The following DPY19L4 variants were observed in gnomAD, a reference collection of about 807,000 sequenced individuals.
The protein encoded by DPY19L4 is dpy-19 like 4.
Under a neutral mutation model 102.8 loss-of-function variants are expected in DPY19L4, and 97 were observed. That is an observed-to-expected ratio of 0.94 (90% CI 0.80 to 1.12). DPY19L4 has a LOEUF of 1.12. Ranked by LOEUF, DPY19L4 falls within the 50% of genes most tolerant of loss-of-function variation. The pLI is 0.00. For missense variants in DPY19L4, 815 were observed against 850.4 expected (o/e 0.96, Z 0.52); for synonymous variants, 252 against 283.1 (o/e 0.89, Z 1.10).
Position 94,726,332 on chromosome 8 carries a change from A to C in DPY19L4, c.18A>C (p.Gly6=). The C allele has an allele frequency of 6.3e-7, 1 of 1,595,998 alleles. No homozygotes were observed. Among genetic ancestry groups the C allele is most frequent in the Non-Finnish European group, 8.5e-7 (1 of 1,175,464 alleles). Reference sequence around the variant, plus strand: ...CAATAATGTCTTAAATATTTTAAGGACCACCTGTAGAGCTGCGCCAAAGAA... The same window carrying C: ...CAATAATGTCTTAAATATTTTAAGGCCCACCTGTAGAGCTGCGCCAAAGAA... MAEEE[G]PPVELRQRKK... The change falls in exon 2 of 19, where the codon GGA becomes GGC. Residue 6 remains glycine (G), a splice_region_variant and synonymous_variant. Coordinates refer to ENST00000414645, the MANE Select transcript of DPY19L4 (RefSeq NM_181787.3).
intron 3 of DPY19L4, among the ~76,000 whole-genome samples, chr8:94,737,335 A>C (rs1400082341): frequency 6.6e-6 from 1 of 151,928 alleles, no homozygotes; most frequent in Non-Finnish European, 1.5e-5. Flanking sequence ...ACACACCACC[A>C]GGCCTAATTT....
At position 94,779,989 on chromosome 8, in the gene DPY19L4, T is replaced by G. The variant is rs945539124; in HGVS notation, c.1576-370T>G. Reference sequence around the variant, plus strand: ...TTTTTCTTGTGTTAATTCATTGTTTTTTTTGTTGTTAGCTTTTCATGTAGT... The same window carrying G: ...TTTTTCTTGTGTTAATTCATTGTTTGTTTTGTTGTTAGCTTTTCATGTAGT... On this transcript the variant is annotated intron_variant, in intron 14 of 18. Coordinates refer to ENST00000414645, the MANE Select transcript of DPY19L4 (RefSeq NM_181787.3). Among the ~76,000 whole-genome samples, 5 of 152,360 alleles carry G rather than the reference T, an allele frequency of 3.3e-5. No individual in the cohort carries two copies. The East Asian group carries it at 9.6e-4, about 29-fold the overall frequency.
rs756983599 is a variant in DPY19L4, at chr8:94,739,513, A to G, written c.444A>G (p.Leu148=). 5.0e-6 allele frequency: 8 copies of G among 1,606,812 alleles called. No individual in the cohort carries two copies. The Admixed American group carries it at 5.2e-5, about 10-fold the overall frequency. Residue 148 remains leucine, a synonymous_variant, in exon 5 of 19, where the codon TTA becomes TTG. Transcript: ENST00000414645. ...ATCCGGAACTTATTGCTAGCATTTT[A>G]TATCAAGCCACTGGTAGCAATGTAT... ...SLYPELIASI[L]YQATGSNEII...
In DPY19L4 at chr8:94,765,241, T is replaced by G. The variant is rs762998865; in HGVS notation, c.929T>G (p.Phe310Cys). The change falls in exon 9 of 19, where the codon TTT becomes TGT. Residue 310 changes from phenylalanine (F) to cysteine (C), a missense_variant. Phe to Cys is a radical substitution (Grantham distance 205, BLOSUM62 -2). Coordinates refer to ENST00000414645, the MANE Select transcript of DPY19L4 (RefSeq NM_181787.3). Reference protein sequence around the residue: ...FSLFLGYLLQFENPALLVSPL... With the variant: ...FSLFLGYLLQCENPALLVSPL... ...CTCTTTCTGGGATATTTACTACAGTTTGAGAATCCAGCTTTGTTGGTATCT... is the reference window on the plus strand; with the variant it reads ...CTCTTTCTGGGATATTTACTACAGTGTGAGAATCCAGCTTTGTTGGTATCT... The G allele has an allele frequency of 7.5e-6, 12 of 1,609,722 alleles. No homozygotes were observed. In the African/African-American group the frequency reaches 1.6e-4, roughly 22 times the overall value.
intron 2 of DPY19L4, among the ~76,000 whole-genome samples, chr8:94,732,808 TTTC>T: frequency 1.1e-5 from 1 of 91,564 alleles, no homozygotes; most frequent in African/African-American, 5.8e-5. Flanking sequence ...TTTCTTTTTC[TTTC>T]TTTTTTTTTT....
intron 2 of DPY19L4, among the ~76,000 whole-genome samples, chr8:94,730,917 G>T (rs548965938): frequency 3.9e-4 from 59 of 150,202 alleles, no homozygotes; most frequent in African/African-American, 1.4e-3. Flanking sequence ...TGCTAATTTT[G>T]TATTTTTAGT....
chr8:94,768,911 G>A (rs1812797027), intron 12 of DPY19L4, among the ~76,000 whole-genome samples: 2 of 151,080 alleles, frequency 1.3e-5, no homozygotes, highest in African/African-American at 4.9e-5. Flanking sequence ...TACTCGGGAA[G>A]CTGAGGCAGG....
chr8:94,730,867 T>C (rs1810920401), intron 2 of DPY19L4, among the ~76,000 whole-genome samples: 1 of 147,128 alleles, frequency 6.8e-6, no homozygotes, highest in South Asian at 2.2e-4. Context: ...TGCCTCAGCC[T>C]CCCGAGTAGC....
intron 10 of DPY19L4, among the ~76,000 whole-genome samples, chr8:94,766,221 A>G (rs1233468805): frequency 6.6e-6 from 1 of 152,198 alleles, no homozygotes; most frequent in Non-Finnish European, 1.5e-5. Flanking sequence ...TAAAAATACA[A>G]AAAATTAGCT....
intron 18 of DPY19L4, 29 bp downstream of exon 18, chr8:94,788,081 A>ATG: frequency 8.7e-7 from 1 of 1,148,562 alleles, no homozygotes; most frequent in Non-Finnish European, 1.1e-6. Context: ...AGTTATATAT[A>ATG]TGTATATATA....
chr8:94,739,780 GTTA>G lies in DPY19L4; in HGVS notation c.605_607del (p.Ile202del). ...AGGAATGCTTACTGTTGCGTGGTTC[GTTA>G]TTAACAGGTAAGAAAGCTGTTTTAA... On this transcript the variant is annotated inframe_deletion, in exon 6 of 19. Coordinates refer to ENST00000414645, the MANE Select transcript of DPY19L4 (RefSeq NM_181787.3). 1 of 1,611,908 alleles carries G rather than the reference GTTA, an allele frequency of 6.2e-7. No individual in the cohort carries two copies.
At chr8:94,727,396 G>C (rs1563569849) in intron 2 of DPY19L4, among the ~76,000 whole-genome samples, 1 of 152,112 alleles carries the variant, frequency 6.6e-6, no homozygotes, top group Non-Finnish European at 1.5e-5. Flanking sequence ...ACCACGCCTG[G>C]CTAATTTTTG....
intron 2 of DPY19L4, among the ~76,000 whole-genome samples, chr8:94,731,510 G>C (rs1269392382): frequency 6.6e-6 from 1 of 152,130 alleles, no homozygotes; most frequent in South Asian, 2.1e-4. Context: ...TCCACCTCCC[G>C]GGTTCAAGCA....
At chr8:94,771,876 A>C (rs1812951563) in intron 13 of DPY19L4, among the ~76,000 whole-genome samples, 1 of 152,214 alleles carries the variant, frequency 6.6e-6, no homozygotes, top group Admixed American at 6.5e-5. Context: ...TGACATTTAC[A>C]AAATATATAT....
intron 7 of DPY19L4, 125 bp from the exon 8 acceptor site, chr8:94,761,575 G>C: frequency 1.2e-6 from 1 of 865,772 alleles, no homozygotes; most frequent in Middle Eastern, 4.0e-4. Flanking sequence ...TAAAAACAAA[G>C]TTTCAATAAT....
intron 2 of DPY19L4, among the ~76,000 whole-genome samples, chr8:94,729,966 G>A (rs1485905991): frequency 6.6e-6 from 1 of 152,044 alleles, no homozygotes; most frequent in East Asian, 1.9e-4. Context: ...GGTAGAAAAT[G>A]TGGAAAGTAG....
chr8:94,722,262 C>A (rs539353801), intron 1 of DPY19L4, among the ~76,000 whole-genome samples: 1 of 151,982 alleles, frequency 6.6e-6, no homozygotes, highest in South Asian at 2.1e-4. Context: ...CAAAAGTTAG[C>A]CGGGCATGGT....
At chr8:94,721,135 G>A (rs7841932) in intron 1 of DPY19L4, among the ~76,000 whole-genome samples, 20,076 of 152,088 alleles carry the variant, frequency 0.13, 1,392 homozygotes, top group African/African-American at 0.17. Context: ...GAGTAGAGAC[G>A]GGGTTTCTCC....
chr8:94,780,948 C>A, intron 15 of DPY19L4, 136 bp from the exon 16 acceptor site: 1 of 603,876 alleles, frequency 1.7e-6, no homozygotes, highest in Non-Finnish European at 2.7e-6. Flanking sequence ...ACATTTTTTC[C>A]ATGCGAACGG....
Sources: gnomAD v4.1 joint callset for allele counts (sites outside exome capture counted in the v4.1 genomes callset) on GRCh38, gnomAD v4.1.1 for gene constraint, MANE v1.5 for transcripts, NCBI Gene and HGNC (gene_info 2026-07-23, HGNC 2026-07-21) for gene names.